Variants in TIAM1 observed in about 807,000 individuals in gnomAD.
TIAM1 encodes the protein rho guanine nucleotide exchange factor TIAM1.
In TIAM1, 65 loss-of-function variants were observed where a neutral mutation model predicts 163.5. The ratio of observed to expected loss-of-function variants is 0.40; its 90% confidence interval spans 0.33 to 0.49. TIAM1 has a LOEUF of 0.49. Among genes scored for constraint, TIAM1 ranks in the 20% least tolerant of loss-of-function variants. The pLI, the probability that TIAM1 is intolerant of heterozygous loss-of-function variation, is 0.77. For missense variants in TIAM1, 1,789 were observed against 2,044.7 expected, an observed-to-expected ratio of 0.87 and a Z score of 2.41; for synonymous variants, 833 against 810.1, an observed-to-expected ratio of 1.03 and a Z score of -0.48.
chr21:31,122,817 G>A (rs148255824), intron 27 of TIAM1, among the ~76,000 whole-genome samples: 13 of 152,252 alleles, frequency 8.5e-5, no homozygotes, highest in Middle Eastern at 6.8e-3. Flanking sequence ...TTAAGAACCC[G>A]GCTACCATTA....
At chr21:31,462,928 AGATAGGGT>A (rs2045388931) in intron 2 of TIAM1, among the ~76,000 whole-genome samples, 1 of 152,078 alleles carries the variant, frequency 6.6e-6, no homozygotes, top group African/African-American at 2.4e-5. Flanking sequence ...TTTGGAGTAG[AGATAGGGT>A]TTCACCATGT....
intron 12 of TIAM1, among the ~76,000 whole-genome samples, chr21:31,196,722 C>G (rs138750723): frequency 6.6e-6 from 1 of 152,124 alleles, no homozygotes; most frequent in Non-Finnish European, 1.5e-5. Context: ...TACCGCTTGA[C>G]GCAGCAATCC....
At chr21:31,312,097 T>C (rs1009248900) in intron 2 of TIAM1, among the ~76,000 whole-genome samples, 1 of 152,250 alleles carries the variant, frequency 6.6e-6, no homozygotes, top group African/African-American at 2.4e-5. Flanking sequence ...GGATGCACTG[T>C]TGGCTTCCCT....
intron 15 of TIAM1, among the ~76,000 whole-genome samples, chr21:31,173,885 G>C (rs2084640666): frequency 6.6e-6 from 1 of 152,116 alleles, no homozygotes; most frequent in African/African-American, 2.4e-5. Flanking sequence ...CGCAGGATTT[G>C]ACGGTGTCAT....
chr21:31,273,197 A>T (rs915628713), intron 3 of TIAM1, among the ~76,000 whole-genome samples: 1 of 152,198 alleles, frequency 6.6e-6, no homozygotes, highest in Non-Finnish European at 1.5e-5. Flanking sequence ...AAGGGTGAGT[A>T]CGGCTCCAGT....
At chr21:31,184,510 TG>T (rs781371479) in intron 14 of TIAM1, among the ~76,000 whole-genome samples, 3 of 152,172 alleles carry the variant, frequency 2.0e-5, no homozygotes, top group African/African-American at 4.8e-5. Flanking sequence ...ACATCACTCT[TG>T]CATCTGTTGA....
chr21:31,213,369 T>C, intron 10 of TIAM1, 29 bp downstream of exon 10: 1 of 1,593,024 alleles, frequency 6.3e-7, no homozygotes, highest in East Asian at 2.2e-5. Context: ...GTGGTACTTT[T>C]AGAAAAGAAA....
rs535961233 is a variant in TIAM1 at position 31,558,394 on chromosome 21, G to A, written c.-422+533C>T. Among the ~76,000 whole-genome samples the A allele has an allele frequency of 4.6e-5, 7 of 152,094 alleles. No homozygotes were observed. In the South Asian group the frequency reaches 1.5e-3, roughly 32 times the overall value. ...CCCGGGCTTTCCGCCCGGTGAGCCCGGCCCCGAGGGCGGCACGGATCGCCA... is the reference window on the plus strand; with the variant it reads ...CCCGGGCTTTCCGCCCGGTGAGCCCAGCCCCGAGGGCGGCACGGATCGCCA... On this transcript the variant is annotated intron_variant, in intron 1 of 28. Coordinates refer to the TIAM1 transcript ENST00000286827.
chr21:31,555,576 C>A (rs2048847669), intron 1 of TIAM1, among the ~76,000 whole-genome samples: 1 of 152,022 alleles, frequency 6.6e-6, no homozygotes, highest in Non-Finnish European at 1.5e-5. Context: ...CCCAGAGGAA[C>A]AGAATTTTCT....
intron 1 of TIAM1, among the ~76,000 whole-genome samples, chr21:31,528,048 T>C (rs2047843600): frequency 6.6e-6 from 1 of 152,216 alleles, no homozygotes; most frequent in Non-Finnish European, 1.5e-5. Context: ...TTCTAGGCTT[T>C]CCAGCGTACA....
At chr21:31,136,128 A>G in intron 22 of TIAM1, 87 bp from the exon 23 acceptor site, 1 of 1,197,972 alleles carries the variant, frequency 8.3e-7, no homozygotes, top group Non-Finnish European at 1.2e-6. Context: ...GCATGCTGAT[A>G]TTAATTTTAC....
rs1355853524 is a variant in TIAM1, at chr21:31,227,686, T to C, written c.1585-1736A>G. Among the ~76,000 whole-genome samples the C allele has an allele frequency of 2.0e-5, 3 of 152,208 alleles. No homozygotes were observed. In the East Asian group the frequency reaches 5.8e-4, roughly 29 times the overall value. On this transcript the variant is annotated intron_variant, in intron 6 of 27. Coordinates refer to ENST00000541036, the MANE Select transcript of TIAM1 (RefSeq NM_001353694.2). ...AAAAATGCATGTCTATTTATGAGAT[T>C]AAATTTGCTTCACTTTATTTTATAG...
At chr21:31,440,412 C>T (rs2184544) in intron 2 of TIAM1, among the ~76,000 whole-genome samples, 12,762 of 152,160 alleles carry the variant, frequency 0.084, 670 homozygotes, top group Middle Eastern at 0.14. Flanking sequence ...CCCCCAGTCC[C>T]CAAATATCTG....
intron 2 of TIAM1, among the ~76,000 whole-genome samples, chr21:31,458,637 C>T (rs2045204199): frequency 6.6e-6 from 1 of 152,128 alleles, no homozygotes; most frequent in Admixed American, 6.5e-5. Flanking sequence ...ACAATGGGCA[C>T]CTGCATCCTT....
At position 31,529,118 on chromosome 21, in the gene TIAM1, A is replaced by T. The variant is rs1485267332; in HGVS notation, c.-422+29809T>A. ...GTATTTTTAGTAGAGACGGGGTTTC[A>T]CCGTGTTAGCCAGGATGGTCTCGAT... On this transcript the variant is annotated intron_variant, in intron 1 of 28. Coordinates refer to the TIAM1 transcript ENST00000286827. Among the ~76,000 whole-genome samples the T allele has an allele frequency of 3.3e-5, 5 of 151,732 alleles. No homozygotes were observed. In the East Asian group the frequency reaches 9.9e-4, roughly 30 times the overall value.
At chr21:31,470,598 G>T (rs573941331) in intron 1 of TIAM1, among the ~76,000 whole-genome samples, 2 of 152,258 alleles carry the variant, frequency 1.3e-5, no homozygotes, top group African/African-American at 4.8e-5. Context: ...CTCCCAAAGT[G>T]CTGGGATTAC....
At position 31,541,148 on chromosome 21, in the gene TIAM1, G is replaced by A. The variant is rs78773003; in HGVS notation, c.-422+17779C>T. Among the ~76,000 whole-genome samples the A allele has an allele frequency of 3.1e-3, 474 of 152,220 alleles. 3 individuals carry two copies. Among genetic ancestry groups the A allele is most frequent in the African/African-American group, 0.011 (462 of 41,542 alleles). On this transcript the variant is annotated intron_variant, in intron 1 of 28. Transcript: ENST00000286827. ...AAAGTATGTTTAGAAAAGAAAGCAA[G>A]CAAACAATATATACTTAAAGAATGT...
intron 7 of TIAM1, 24 bp downstream of exon 7, chr21:31,225,702 A>T (rs368428297): frequency 6.4e-7 from 1 of 1,569,558 alleles, no homozygotes; most frequent in African/African-American, 1.4e-5. Flanking sequence ...TTTTGTCCGG[A>T]CCTAAACACG....
chr21:31,500,702 G>C (rs961655296), intron 1 of TIAM1, among the ~76,000 whole-genome samples: 1 of 152,122 alleles, frequency 6.6e-6, no homozygotes, highest in African/African-American at 2.4e-5. Flanking sequence ...AATGGAGGGA[G>C]GCCTCTACAA....
Sources: allele counts gnomAD v4.1 joint callset (sites outside exome capture counted in the v4.1 genomes callset), GRCh38; gene constraint gnomAD v4.1.1; transcripts MANE v1.5; gene names NCBI Gene and HGNC (gene_info 2026-07-23, HGNC 2026-07-21).